The following XXYLT1 variants were observed in gnomAD, a reference collection of about 807,000 sequenced individuals.
The protein encoded by XXYLT1 is xyloside xylosyltransferase 1.
A neutral mutation model predicts 28.9 loss-of-function variants in XXYLT1; 20 were observed. The ratio of observed to expected loss-of-function variants is 0.69; its 90% CI spans 0.49 to 1.00. The LOEUF is 1.00. Ranked by LOEUF, XXYLT1 falls within the 50% of genes least tolerant of loss-of-function variation. The pLI is 0.00. For missense variants in XXYLT1, 542 were observed against 560.1 expected, an observed-to-expected ratio of 0.97 and a Z score of 0.33; for synonymous variants, 257 against 253.8, an observed-to-expected ratio of 1.01 and a Z score of -0.12.
intron 2 of XXYLT1, among the ~76,000 whole-genome samples, chr3:195,185,028 GT>G (rs1171639153): frequency 6.6e-6 from 1 of 150,904 alleles, no homozygotes; most frequent in Non-Finnish European, 1.5e-5. Flanking sequence ...TTGCAGAGCA[GT>G]GACAGCTCCA....
intron 3 of XXYLT1, among the ~76,000 whole-genome samples, chr3:195,096,979 T>C (rs1006041278): frequency 1.3e-5 from 2 of 152,218 alleles, no homozygotes; most frequent in Non-Finnish European, 2.9e-5. Context: ...GTGAAAATGG[T>C]CAGGCTGCGC....
chr3:195,175,124 C>G (rs922713236), intron 2 of XXYLT1, among the ~76,000 whole-genome samples: 3 of 152,210 alleles, frequency 2.0e-5, no homozygotes, highest in Non-Finnish European at 4.4e-5. Flanking sequence ...AAGCTCTACC[C>G]CAGAGCAATC....
intron 3 of XXYLT1, among the ~76,000 whole-genome samples, chr3:195,141,831 TC>T (rs1450491910): frequency 6.6e-6 from 1 of 152,212 alleles, no homozygotes; most frequent in Non-Finnish European, 1.5e-5. Context: ...GAGGGCTGCT[TC>T]CCGCCTAATT....
chr3:195,252,729 G>C (rs6804556), intron 1 of XXYLT1, among the ~76,000 whole-genome samples: 48,829 of 89,422 alleles, frequency 0.55, 11,650 homozygotes, highest in East Asian at 0.67. Flanking sequence ...CACACACACA[G>C]AGAGAGAGAG....
chr3:195,100,168 C>A (rs374295858), intron 3 of XXYLT1, among the ~76,000 whole-genome samples: 8 of 152,272 alleles, frequency 5.3e-5, no homozygotes, highest in African/African-American at 1.7e-4. Context: ...CTGCTTCATG[C>A]GACAGGCAAG....
intron 3 of XXYLT1, among the ~76,000 whole-genome samples, chr3:195,094,928 G>T (rs1031875139): frequency 3.9e-5 from 6 of 152,220 alleles, no homozygotes; most frequent in African/African-American, 1.4e-4. Flanking sequence ...TCCCCTCCCA[G>T]GGTTCTCTCA....
At position 195,077,059 on chromosome 3, in the gene XXYLT1, G is replaced by A. The variant is rs1450016919; in HGVS notation, c.786-6948C>T. Among the ~76,000 whole-genome samples the A allele has an allele frequency of 6.6e-6, 1 of 152,170 alleles. No homozygotes were observed. Among genetic ancestry groups the A allele is most frequent in the Non-Finnish European group, 1.5e-5 (1 of 68,032 alleles). On this transcript the variant is annotated intron_variant, in intron 3 of 3. Transcript: ENST00000310380. This position sits in a 1 kb window ranked among gnomAD's most constrained non-coding sequence, Gnocchi z 4.8. Reference sequence around the variant, plus strand: ...AGCTCACTGGTACCTTGTTCTCACTGTCCAGGGACTCAGAGGACACCTGTG... The same window carrying A: ...AGCTCACTGGTACCTTGTTCTCACTATCCAGGGACTCAGAGGACACCTGTG...
At chr3:195,093,639 C>A (rs1004916445) in intron 3 of XXYLT1, 4 of 151,116 alleles carry the variant, frequency 2.6e-5, no homozygotes, top group Non-Finnish European at 5.9e-5. Context: ...ATGTAACTAA[C>A]CTGCACAATG....
chr3:195,103,465 T>TCACCCCACGCCAGCGG, intron 3 of XXYLT1, among the ~76,000 whole-genome samples: 1 of 112,896 alleles, frequency 8.9e-6, no homozygotes, highest in East Asian at 2.3e-4. Flanking sequence ...CGTCCATCTC[T>TCACCCCACGCCAGCGG]TCTGCATTTG....
rs1368605481 is a variant in XXYLT1, at chr3:195,077,916, C to T, written c.786-7805G>A. 6.6e-6 allele frequency among the ~76,000 whole-genome samples: 1 copy of T among 152,190 alleles called. No individual in the cohort carries two copies. The highest frequency in any genetic ancestry group is 1.5e-5 in the Non-Finnish European group (1 of 68,028). On this transcript the variant is annotated intron_variant, in intron 3 of 3. Transcript: ENST00000310380. This position sits in a 1 kb window ranked among gnomAD's most constrained non-coding sequence, Gnocchi z 4.8. The stretch of plus-strand genomic sequence containing the variant: ...GGTTGTCAGTCACGTGACCTTCCCC[C>T]AGCATCTGCAGCCCTGGAGCTGTAA...
intron 3 of XXYLT1, among the ~76,000 whole-genome samples, chr3:195,084,270 G>A (rs1715601120): frequency 6.6e-6 from 1 of 152,198 alleles, no homozygotes; most frequent in South Asian, 2.1e-4. Context: ...CCACAGAGCA[G>A]GCTGTGGGTG....
At chr3:195,089,473 T>G (rs1160593653) in intron 3 of XXYLT1, among the ~76,000 whole-genome samples, 2 of 151,944 alleles carry the variant, frequency 1.3e-5, no homozygotes, top group Admixed American at 1.3e-4. Context: ...GACAAACAAA[T>G]GCTGAGAGAT....
At chr3:195,075,411 G>C (rs899694978) in intron 3 of XXYLT1, among the ~76,000 whole-genome samples, 2 of 152,224 alleles carry the variant, frequency 1.3e-5, no homozygotes, top group African/African-American at 2.4e-5. Flanking sequence ...TCAAAAACTG[G>C]CCTGTCCAGG....
chr3:195,270,624 C>T lies in XXYLT1; in HGVS notation c.435G>A (p.Glu145=). ...GGCCCTTGGCCACCTCGCGGCTGGCCTCCTCGCTCACGAAGTGAAGGTTAA... is the reference window on the plus strand; with the variant it reads ...GGCCCTTGGCCACCTCGCGGCTGGCTTCCTCGCTCACGAAGTGAAGGTTAA... The part of the protein sequence containing the change: ...EVLNLHFVSE[E]ASREVAKGLL... The change falls in exon 1 of 4, where the codon GAG becomes GAA. Residue 145 remains glutamate, a synonymous_variant. Coordinates refer to ENST00000310380, the MANE Select transcript of XXYLT1 (RefSeq NM_152531.5). The T allele has an allele frequency of 6.6e-7, 1 of 1,526,648 alleles. No homozygotes were observed. The highest frequency in any genetic ancestry group is 1.9e-5 in the Admixed American group (1 of 51,790). 94.6% of individuals were successfully genotyped at this position (1,526,648 alleles called of 1,614,324 possible). A position where few individuals can be genotyped will look rare whatever the true frequency, so the allele number is the denominator to read the frequency against.
In XXYLT1 at chr3:195,124,163, A is replaced by G. The variant is rs1718502434; in HGVS notation, c.785+32286T>C. 6.6e-6 allele frequency among the ~76,000 whole-genome samples: 1 copy of G among 152,252 alleles called. No individual in the cohort carries two copies. The highest frequency in any genetic ancestry group is 1.5e-5 in the Non-Finnish European group (1 of 68,040). On this transcript the variant is annotated intron_variant, in intron 3 of 3. Transcript: ENST00000310380. The surrounding 1 kb of genome is among the most constrained non-coding windows in gnomAD (Gnocchi z 4.1). ...GTGTTCCATGGAACTCACCTCGAGA[A>G]GTGTGGGTCTAGACCACAGCCCTCA...
intron 2 of XXYLT1, among the ~76,000 whole-genome samples, chr3:195,225,688 C>T (rs1226589969): frequency 1.3e-5 from 2 of 152,116 alleles, no homozygotes; most frequent in East Asian, 1.9e-4. Flanking sequence ...CCACCCAAAT[C>T]TCATCTTGAA....
At chr3:195,139,346 G>A (rs906229130) in intron 3 of XXYLT1, among the ~76,000 whole-genome samples, 1 of 152,170 alleles carries the variant, frequency 6.6e-6, no homozygotes, top group Non-Finnish European at 1.5e-5. Flanking sequence ...TCTAAGAGGC[G>A]GAAAATGATG....
intron 3 of XXYLT1, among the ~76,000 whole-genome samples, chr3:195,108,854 T>C (rs117296101): frequency 1.3e-5 from 2 of 152,302 alleles, no homozygotes; most frequent in East Asian, 3.9e-4. Context: ...TCCCCCTCCA[T>C]GAAGCTAGAA....
intron 1 of XXYLT1, among the ~76,000 whole-genome samples, chr3:195,268,286 C>A (rs1243802622): frequency 1.3e-5 from 2 of 151,794 alleles, no homozygotes; most frequent in African/African-American, 4.8e-5. Flanking sequence ...AAAAAATTAG[C>A]CGGGCGTGGT....
Sources: gnomAD v4.1 joint callset for allele counts (sites outside exome capture counted in the v4.1 genomes callset) on GRCh38, gnomAD v4.1.1 for gene constraint, Gnocchi (gnomAD v3.1) non-coding constraint, MANE v1.5 for transcripts, NCBI Gene and HGNC (gene_info 2026-07-23, HGNC 2026-07-21) for gene names.